The following TTC38 variants were observed in gnomAD, a reference collection of about 807,000 sequenced individuals.
TTC38 encodes the protein tetratricopeptide repeat protein 38.
TTC38 carries 64 observed loss-of-function variants against 64.2 expected under a neutral mutation model. That is an observed-to-expected ratio of 1.00 (90% CI 0.81 to 1.23). TTC38 has a LOEUF of 1.23. Ranked by LOEUF, TTC38 falls within the 50% of genes most tolerant of loss-of-function variation. The pLI, the probability that TTC38 is intolerant of heterozygous loss-of-function variation, is 0.00. For synonymous variants in TTC38, 254 were observed against 249.3 expected (o/e 1.02, Z -0.18); for missense variants, 573 against 615.5 (o/e 0.93, Z 0.73).
rs559610755 is a variant in TTC38 at position 46,281,822 on chromosome 22, C to T, written c.735+104C>T. The T allele has an allele frequency of 1.6e-5, 24 of 1,503,446 alleles. No individual in the cohort carries two copies. The highest frequency in any genetic ancestry group is 1.7e-4 in the Middle Eastern group (1 of 5,754). The allele number at this position is 1,503,446 out of a possible 1,614,324, so 93.1% of individuals were successfully genotyped here. A position where few individuals can be genotyped will look rare whatever the true frequency, so the allele number is the denominator to read the frequency against. ...GAGTTACAGGGCATGGCTTAATTCT[C>T]GGGGTTCCCTCTCCTCCTCCACCTG... On this transcript the variant is annotated intron_variant, in intron 7 of 13. Transcript: ENST00000381031. This position sits in a 1 kb window ranked among gnomAD's most constrained non-coding sequence, Gnocchi z 5.2.
intron 6 of TTC38, among the ~76,000 whole-genome samples, chr22:46,279,099 A>G (rs1275041424): frequency 6.6e-6 from 1 of 152,222 alleles, no homozygotes; most frequent in Non-Finnish European, 1.5e-5. Flanking sequence ...ATTTCTAAGC[A>G]TCACTCACGG....
In TTC38 at chr22:46,274,817, T is replaced by C. The variant is rs892861780; in HGVS notation, c.366-431T>C. Among the ~76,000 whole-genome samples the C allele has an allele frequency of 1.3e-4, 19 of 151,818 alleles. No individual in the cohort carries two copies. Among genetic ancestry groups the C allele is most frequent in the African/African-American group, 4.4e-4 (18 of 41,348 alleles). Reference sequence around the variant, plus strand: ...TTGTTTTCTGATTCACAACCTAACATAGAAAGTGATTTTTTTACATTTATT... The same window carrying C: ...TTGTTTTCTGATTCACAACCTAACACAGAAAGTGATTTTTTTACATTTATT... On this transcript the variant is annotated intron_variant, in intron 4 of 13. Transcript: ENST00000381031. The surrounding 1 kb of genome is among the most constrained non-coding windows in gnomAD (Gnocchi z 4.8).
chr22:46,268,469 G>A, intron 1 of TTC38, 45 bp from the exon 2 acceptor site: 2 of 1,598,842 alleles, frequency 1.3e-6, no homozygotes, highest in East Asian at 4.5e-5. Flanking sequence ...AGTTTGAAGG[G>A]CTCCTGGAGA....
chr22:46,290,209 C>T (rs1223172753), intron 13 of TTC38, among the ~76,000 whole-genome samples: 1 of 152,186 alleles, frequency 6.6e-6, no homozygotes, highest in African/African-American at 2.4e-5. Context: ...CTTGGAACAC[C>T]CTTTCTCCTT....
Position 46,278,597 on chromosome 22 carries a change from G to C in TTC38, c.551G>C (p.Gly184Ala), listed in dbSNP as rs1486701779. Residue 184 changes from glycine (G) to alanine (A), a missense_variant, in exon 6 of 14, where the codon GGC becomes GCC. By Grantham distance (60) the Gly-to-Ala change is moderately conservative. This residue lies in a region of TTC38 where 68 missense variants were observed against 107.3 expected (regional missense o/e 0.63). Transcript: ENST00000381031. ...TTTTCTGTTTTTAGCTATGTGAAAG[G>C]CATCTACTCTTTTGGCTTGATGGAA... ...PDIPLSSYVK[G>A]IYSFGLMETN... 2 of 1,613,854 alleles carry C rather than the reference G, an allele frequency of 1.2e-6. No homozygotes were observed. Among genetic ancestry groups the C allele is most frequent in the Non-Finnish European group, 1.7e-6 (2 of 1,179,938 alleles).
At chr22:46,278,453 A>C (rs1429822094) in intron 5 of TTC38, 133 bp from the exon 6 acceptor site, 1 of 727,966 alleles carries the variant, frequency 1.4e-6, no homozygotes, top group Admixed American at 2.1e-5. Flanking sequence ...TACCTCTGCA[A>C]AGACCCTATT....
Position 46,281,655 on chromosome 22 carries a change from C to G in TTC38, c.672C>G (p.His224Gln). Residue 224 changes from histidine to glutamine, a missense_variant, in exon 7 of 14, where the codon CAC becomes CAG. By Grantham distance (24) the His-to-Gln change is conservative. Coordinates refer to ENST00000381031, the MANE Select transcript of TTC38 (RefSeq NM_017931.4). The surrounding 1 kb of genome is among the most constrained non-coding windows in gnomAD (Gnocchi z 5.2). ...CGGTGCACACCGTCGCTCACATCCA[C>G]GAGATGAAAGCAGAGATCAAGGATG... ...AWSVHTVAHIHEMKAEIKDGL... is the reference protein window; with the variant it reads ...AWSVHTVAHIQEMKAEIKDGL... 1 of 1,614,122 alleles carries G rather than the reference C, an allele frequency of 6.2e-7. No individual in the cohort carries two copies. Among genetic ancestry groups the G allele is most frequent in the South Asian group, 1.1e-5 (1 of 91,084 alleles).
In TTC38 at chr22:46,282,042, A is replaced by T. The variant is rs1047999564; in HGVS notation, c.735+324A>T. ...CACCATGACGGGGACCCTCTGTGGGATGTGGAAACGCAGAGGAAGCATTAA... is the reference window on the plus strand; with the variant it reads ...CACCATGACGGGGACCCTCTGTGGGTTGTGGAAACGCAGAGGAAGCATTAA... On this transcript the variant is annotated intron_variant, in intron 7 of 13. Coordinates refer to ENST00000381031, the MANE Select transcript of TTC38 (RefSeq NM_017931.4). This position sits in a 1 kb window ranked among gnomAD's most constrained non-coding sequence, Gnocchi z 4.4. The T allele has an allele frequency of 7.9e-6, 4 of 503,640 alleles. No homozygotes were observed. The highest frequency in any genetic ancestry group is 1.6e-5 in the Non-Finnish European group (4 of 251,640). The allele number at this position is 503,640 out of a possible 1,614,324, so 31.2% of individuals were successfully genotyped here.
rs955127346 is a variant in TTC38 at position 46,276,872 on chromosome 22, C to T, written c.539+1451C>T. On this transcript the variant is annotated intron_variant, in intron 5 of 13. Coordinates refer to ENST00000381031, the MANE Select transcript of TTC38 (RefSeq NM_017931.4). This position sits in a 1 kb window ranked among gnomAD's most constrained non-coding sequence, Gnocchi z 4.7. Reference sequence around the variant, plus strand: ...ATATATATATAAAAAATACTTTCACCGCAACACCTAGACTGGTGTTTCGCC... The same window carrying T: ...ATATATATATAAAAAATACTTTCACTGCAACACCTAGACTGGTGTTTCGCC... Among the ~76,000 whole-genome samples the T allele has an allele frequency of 7.1e-5, 10 of 141,274 alleles. No homozygotes were observed. The highest frequency in any genetic ancestry group is 4.4e-4 in the South Asian group (2 of 4,568). 92.7% of individuals were successfully genotyped at this position (141,274 alleles called of 152,430 possible). A position where few individuals can be genotyped will look rare whatever the true frequency, so the allele number is the denominator to read the frequency against.
intron 10 of TTC38, 110 bp downstream of exon 10, chr22:46,287,264 C>T (rs1412528487): frequency 4.4e-6 from 4 of 905,174 alleles, no homozygotes; most frequent in African/African-American, 3.3e-5. Flanking sequence ...GTGAGCCGCT[C>T]CAGACCCCTC....
chr22:46,282,318 G>T lies in TTC38; in HGVS notation c.735+600G>T, dbSNP rs946593993. 1.3e-5 allele frequency among the ~76,000 whole-genome samples: 2 copies of T among 152,186 alleles called. No homozygotes were observed. Among genetic ancestry groups the T allele is most frequent in the Non-Finnish European group, 2.9e-5 (2 of 68,028 alleles). Reference sequence around the variant, plus strand: ...ATGGGCTGTGCAGGAGGCCTTGTCAGTCCCTCTTTCCAGGGGAGGCAAGGT... The same window carrying T: ...ATGGGCTGTGCAGGAGGCCTTGTCATTCCCTCTTTCCAGGGGAGGCAAGGT... On this transcript the variant is annotated intron_variant, in intron 7 of 13. Transcript: ENST00000381031. The surrounding 1 kb of genome is among the most constrained non-coding windows in gnomAD (Gnocchi z 4.4).
intron 5 of TTC38, among the ~76,000 whole-genome samples, chr22:46,277,437 T>G (rs2077500065): frequency 6.6e-6 from 1 of 151,958 alleles, no homozygotes; most frequent in Admixed American, 6.6e-5. Flanking sequence ...AAACCCCGTC[T>G]CTACTAAAAA....
chr22:46,278,624 C>A lies in TTC38; in HGVS notation c.578C>A (p.Thr193Asn). The change falls in exon 6 of 14, where the codon ACC becomes AAC. Residue 193 changes from threonine to asparagine, a missense_variant. This residue lies in a region of TTC38 where 371 missense variants were observed against 381.8 expected (regional missense o/e 0.97). Transcript: ENST00000381031. Reference protein sequence around the residue: ...KGIYSFGLMETNFYDQAEKLA... With the variant: ...KGIYSFGLMENNFYDQAEKLA... ...ATCTACTCTTTTGGCTTGATGGAAA[C>A]CAACTTCTACGACCAGGCAGAAAAA... The A allele has an allele frequency of 6.2e-7, 1 of 1,614,140 alleles. No individual in the cohort carries two copies. The highest frequency in any genetic ancestry group is 2.2e-5 in the East Asian group (1 of 44,882).
intron 6 of TTC38, chr22:46,280,030 C>T: frequency 2.3e-6 from 1 of 440,596 alleles, no homozygotes; most frequent in Admixed American, 2.5e-5. Context: ...CCTCCCTTCT[C>T]CATTGCTCCC....
chr22:46,276,026 C>T lies in TTC38; in HGVS notation c.539+605C>T, dbSNP rs1937000628. ...GCATGAACAGCCCCAGTGACCACCA[C>T]ACAGGACTGACTTCACTGCAGCTTC... On this transcript the variant is annotated intron_variant, in intron 5 of 13. Transcript: ENST00000381031. This position sits in a 1 kb window ranked among gnomAD's most constrained non-coding sequence, Gnocchi z 4.7. Among the ~76,000 whole-genome samples the T allele has an allele frequency of 6.6e-6, 1 of 151,636 alleles. No individual in the cohort carries two copies. Among genetic ancestry groups the T allele is most frequent in the Non-Finnish European group, 1.5e-5 (1 of 67,582 alleles).
chr22:46,278,515 T>C (rs2077509610), intron 5 of TTC38, 71 bp from the exon 6 acceptor site: 1 of 1,329,742 alleles, frequency 7.5e-7, no homozygotes, highest in South Asian at 1.2e-5. Context: ...CAGTGTATCT[T>C]TGCGGGGACA....
rs1269554892 is a variant in TTC38, at chr22:46,278,621, A to G, written c.575A>G (p.Glu192Gly). The change falls in exon 6 of 14, where the codon GAA becomes GGA. Residue 192 changes from glutamate (E) to glycine (G), a missense_variant. Glu to Gly is a moderately conservative substitution (Grantham distance 98, BLOSUM62 -2). This residue lies in a region of TTC38 where 371 missense variants were observed against 381.8 expected (regional missense o/e 0.97). Transcript: ENST00000381031. ...GGCATCTACTCTTTTGGCTTGATGGAAACCAACTTCTACGACCAGGCAGAA... is the reference window on the plus strand; with the variant it reads ...GGCATCTACTCTTTTGGCTTGATGGGAACCAACTTCTACGACCAGGCAGAA... ...VKGIYSFGLM[E>G]TNFYDQAEKL... 1 of 1,614,124 alleles carries G rather than the reference A, an allele frequency of 6.2e-7. No homozygotes were observed. The highest frequency in any genetic ancestry group is 8.5e-7 in the Non-Finnish European group (1 of 1,180,008).
In TTC38 at chr22:46,275,246, A is replaced by C; in HGVS notation, c.366-2A>C. The C allele has an allele frequency of 6.2e-7, 1 of 1,612,722 alleles. No homozygotes were observed. The highest frequency in any genetic ancestry group is 8.5e-7 in the Non-Finnish European group (1 of 1,179,546). On this transcript the variant is annotated splice_acceptor_variant, in intron 4 of 13. Transcript: ENST00000381031. LOFTEE classifies it high-confidence loss of function. This position sits in a 1 kb window ranked among gnomAD's most constrained non-coding sequence, Gnocchi z 4.5. Reference sequence around the variant, plus strand: ...TGGTGAGAAATCTTTCTCGGTTTCCAGGAACTTTCCGAAAGCCTGTGAACT... The same window carrying C: ...TGGTGAGAAATCTTTCTCGGTTTCCCGGAACTTTCCGAAAGCCTGTGAACT...
At position 46,291,330 on chromosome 22, in the gene TTC38, C is replaced by G. The variant is rs2077613442; in HGVS notation, c.1316+1431C>G. 6.6e-6 allele frequency among the ~76,000 whole-genome samples: 1 copy of G among 152,078 alleles called. No homozygotes were observed. On this transcript the variant is annotated intron_variant, in intron 13 of 13. Coordinates refer to ENST00000381031, the MANE Select transcript of TTC38 (RefSeq NM_017931.4). The surrounding 1 kb of genome is among the most constrained non-coding windows in gnomAD (Gnocchi z 4.6). The stretch of plus-strand genomic sequence containing the variant: ...AGGGCTGAGGATGGAGCTGGGGTGA[C>G]ATCTGTGGGGCAGTGCGGCAGTGCC...
Sources: gnomAD v4.1 joint callset for allele counts (sites outside exome capture counted in the v4.1 genomes callset) on GRCh38, gnomAD v4.1.1 for gene constraint, gnomAD v4.1.1 regional missense constraint, Gnocchi (gnomAD v3.1) non-coding constraint, MANE v1.5 for transcripts, NCBI Gene and HGNC (gene_info 2026-07-23, HGNC 2026-07-21) for gene names.